Variants in APP observed in about 807,000 individuals in gnomAD.
APP encodes the protein amyloid-beta precursor protein.
A neutral mutation model predicts 101.4 loss-of-function variants in APP; 31 were observed. That is an observed-to-expected ratio of 0.31 (90% CI 0.23 to 0.41). The LOEUF is 0.41. Ranked by LOEUF, APP falls within the 10% of genes least tolerant of loss-of-function variation. APP has a pLI of 1.00. For missense variants in APP, 839 were observed against 1,003.7 expected (o/e 0.84, Z 2.22); for synonymous variants, 366 against 364.4 (o/e 1.00, Z -0.05).
intron 17 of APP, among the ~76,000 whole-genome samples, chr21:25,887,528 A>C (rs1200071143): frequency 4.6e-5 from 7 of 151,548 alleles, no homozygotes; most frequent in East Asian, 1.9e-4. Context: ...AAAAAAAAAA[A>C]AAAAAAAAAA....
At chr21:26,154,939 G>C (rs2063345062) in intron 1 of APP, among the ~76,000 whole-genome samples, 1 of 152,178 alleles carries the variant, frequency 6.6e-6, no homozygotes, top group Admixed American at 6.5e-5. Context: ...TTGACATGCA[G>C]CTGGTCTGAA....
At chr21:26,030,098 T>C (rs1042226138) in intron 5 of APP, among the ~76,000 whole-genome samples, 2 of 152,176 alleles carry the variant, frequency 1.3e-5, no homozygotes, top group African/African-American at 4.8e-5. Flanking sequence ...TAGGGTAACA[T>C]GAATATCCTA....
intron 8 of APP, among the ~76,000 whole-genome samples, chr21:25,989,261 G>A (rs2042763142): frequency 6.6e-6 from 1 of 152,218 alleles, no homozygotes. Context: ...AATCCATTAA[G>A]TTGAACTGTA....
At chr21:25,976,071 T>C (rs1160333802) in intron 9 of APP, 43 bp from the exon 10 acceptor site, 2 of 1,470,452 alleles carry the variant, frequency 1.4e-6, no homozygotes, top group Non-Finnish European at 1.9e-6. Flanking sequence ...CATCAGTTCA[T>C]CCTTTGAATA....
chr21:25,887,616 C>T (rs1390286397), intron 17 of APP, among the ~76,000 whole-genome samples: 1 of 150,230 alleles, frequency 6.7e-6, no homozygotes, highest in Non-Finnish European at 1.5e-5. Context: ...CACATAATGA[C>T]ATTTTAGTCC....
Position 25,976,021 on chromosome 21 carries a change from C to G in APP, c.1232G>C (p.Arg411Thr). The change falls in exon 10 of 18, where the codon AGA (arginine) becomes ACA (threonine). Residue 411 changes from arginine (R) to threonine (T), a missense_variant. Arg to Thr is a moderately conservative substitution (Grantham distance 71). Coordinates refer to ENST00000346798, the MANE Select transcript of APP (RefSeq NM_000484.4). ...KHRERMSQVM[R>T]EWEEAERQAK... ...TTGACGTTCTGCCTCTTCCCATTCT[C>G]TCATGACCTATAAATTAAGGAAACA... The G allele has an allele frequency of 1.2e-6, 2 of 1,613,218 alleles. No individual in the cohort carries two copies. The highest frequency in any genetic ancestry group is 1.1e-5 in the South Asian group (1 of 91,058).
In APP at chr21:25,913,071, T is replaced by C. The variant is rs527487737; in HGVS notation, c.1688-1109A>G. Among the ~76,000 whole-genome samples the C allele has an allele frequency of 1.6e-3, 241 of 152,364 alleles. 1 individual carries two copies. Among genetic ancestry groups the C allele is most frequent in the Middle Eastern group, 3.4e-3 (1 of 294 alleles). On this transcript the variant is annotated intron_variant, in intron 13 of 17. Transcript: ENST00000346798. Reference sequence around the variant, plus strand: ...CAGACACATCACTGGTTAGTTTTATTGCTAGAGAAAATGAAAATAAGATCA... The same window carrying C: ...CAGACACATCACTGGTTAGTTTTATCGCTAGAGAAAATGAAAATAAGATCA...
intron 11 of APP, among the ~76,000 whole-genome samples, chr21:25,963,438 T>G (rs559311649): frequency 1.8e-4 from 28 of 152,266 alleles, no homozygotes; most frequent in Admixed American, 1.3e-3. Flanking sequence ...TCAAGAGCGT[T>G]TAAAAGCCCT....
intron 5 of APP, among the ~76,000 whole-genome samples, chr21:26,024,268 T>C (rs1026445362): frequency 2.0e-5 from 3 of 150,496 alleles, no homozygotes; most frequent in Non-Finnish European, 3.0e-5. Flanking sequence ...ACCATAGTAA[T>C]AGAATTAAAA....
At chr21:26,053,708 A>G (rs45627233) in intron 3 of APP, among the ~76,000 whole-genome samples, 23 of 152,326 alleles carry the variant, frequency 1.5e-4, no homozygotes, top group Non-Finnish European at 2.2e-4. Flanking sequence ...TTGTCTAGGT[A>G]AGCATTTGAG....
intron 8 of APP, among the ~76,000 whole-genome samples, chr21:25,994,794 T>G (rs1396299295): frequency 6.6e-6 from 1 of 152,258 alleles, no homozygotes; most frequent in Non-Finnish European, 1.5e-5. Context: ...CCATCTGAAT[T>G]TGACCTCCAG....
intron 8 of APP, among the ~76,000 whole-genome samples, chr21:25,988,625 C>A (rs1395369017): frequency 6.7e-6 from 1 of 148,514 alleles, no homozygotes; most frequent in African/African-American, 2.5e-5. Context: ...TTGCTTGAAC[C>A]CGGGAGGCGG....
At chr21:25,991,842 AT>A (rs1438752811) in intron 8 of APP, among the ~76,000 whole-genome samples, 2 of 152,236 alleles carry the variant, frequency 1.3e-5, no homozygotes, top group South Asian at 2.1e-4. Flanking sequence ...TGTATGAAAA[AT>A]ATTTGCTGAC....
intron 2 of APP, among the ~76,000 whole-genome samples, chr21:26,095,277 C>A (rs1378266900): frequency 2.6e-5 from 4 of 152,214 alleles, no homozygotes; most frequent in Non-Finnish European, 4.4e-5. Context: ...CCATGCCCAG[C>A]CAACAATAAG....
At chr21:25,994,775 T>C (rs1372916894) in intron 8 of APP, among the ~76,000 whole-genome samples, 2 of 152,262 alleles carry the variant, frequency 1.3e-5, no homozygotes, top group African/African-American at 2.4e-5. Context: ...TTTCTCTGAA[T>C]TGAGTCTGCC....
intron 3 of APP, among the ~76,000 whole-genome samples, chr21:26,089,111 A>G (rs2061765028): frequency 6.6e-6 from 1 of 152,184 alleles, no homozygotes; most frequent in Non-Finnish European, 1.5e-5. Flanking sequence ...TTTGTCCACA[A>G]TCTCCACAGA....
intron 15 of APP, among the ~76,000 whole-genome samples, chr21:25,904,449 A>T (rs1238304979): frequency 6.6e-6 from 1 of 152,242 alleles, no homozygotes; most frequent in African/African-American, 2.4e-5. Context: ...CTGTTGTGTT[A>T]CTTTAGCCAC....
intron 6 of APP, 93 bp from the exon 7 acceptor site, chr21:26,000,275 G>T: frequency 1.3e-6 from 2 of 1,504,152 alleles, no homozygotes; most frequent in Non-Finnish European, 1.8e-6. Flanking sequence ...AATCCTCCCA[G>T]TGGCAACCTG....
chr21:25,885,098 C>G (rs2037236942), intron 17 of APP, among the ~76,000 whole-genome samples: 1 of 152,218 alleles, frequency 6.6e-6, no homozygotes, highest in Non-Finnish European at 1.5e-5. Context: ...GCCCTCAGAC[C>G]TTAGAGGGCT....
Sources: allele counts gnomAD v4.1 joint callset (sites outside exome capture counted in the v4.1 genomes callset), GRCh38; gene constraint gnomAD v4.1.1; transcripts MANE v1.5; gene names NCBI Gene and HGNC (gene_info 2026-07-23, HGNC 2026-07-21).